The following HS3ST4 variants were observed in gnomAD, a reference collection of about 807,000 sequenced individuals.
The protein encoded by HS3ST4 is heparan sulfate glucosamine 3-O-sulfotransferase 4.
HS3ST4 carries 17 observed loss-of-function variants against 29.2 expected under a neutral mutation model. The ratio of observed to expected loss-of-function variants is 0.58; its 90% CI spans 0.40 to 0.87. The LOEUF is 0.87. HS3ST4 is among the 40% of genes least tolerant of loss of function. The pLI is 0.00. For missense variants in HS3ST4, 627 were observed against 634.5 expected (o/e 0.99, Z 0.13); for synonymous variants, 314 against 285.7 (o/e 1.10, Z -1.00).
intron 1 of HS3ST4, among the ~76,000 whole-genome samples, chr16:26,102,964 T>G (rs6497921): frequency 6.6e-6 from 1 of 151,962 alleles, no homozygotes; most frequent in African/African-American, 2.4e-5. Flanking sequence ...AAACAACCAC[T>G]GTGCAGAAGT....
At chr16:25,854,354 G>A (rs1376016460) in intron 1 of HS3ST4, among the ~76,000 whole-genome samples, 1 of 152,184 alleles carries the variant, frequency 6.6e-6, no homozygotes, top group Non-Finnish European at 1.5e-5. Flanking sequence ...CATCGTGCCA[G>A]TGGGAGTGAC....
chr16:25,801,978 CT>C (rs58964023), intron 1 of HS3ST4, among the ~76,000 whole-genome samples: 88 of 137,168 alleles, frequency 6.4e-4, no homozygotes, highest in East Asian at 1.0e-3. Flanking sequence ...CAAATATTTT[CT>C]TTTTTTTTTT....
At chr16:26,011,722 GGTGT>G (rs55657831) in intron 1 of HS3ST4, among the ~76,000 whole-genome samples, 4 of 150,048 alleles carry the variant, frequency 2.7e-5, no homozygotes, top group Non-Finnish European at 4.5e-5. Flanking sequence ...GACAGAGAGA[GGTGT>G]GTGTGTGTGT....
chr16:25,867,689 G>A (rs1967710543), intron 1 of HS3ST4, among the ~76,000 whole-genome samples: 1 of 152,082 alleles, frequency 6.6e-6, no homozygotes, highest in African/African-American at 2.4e-5. Context: ...TCTCTTAATA[G>A]CTTCAGGGCT....
At chr16:26,087,713 A>G (rs1257397960) in intron 1 of HS3ST4, among the ~76,000 whole-genome samples, 1 of 152,138 alleles carries the variant, frequency 6.6e-6, no homozygotes, top group Non-Finnish European at 1.5e-5. Flanking sequence ...TTTGCATTAT[A>G]CTTACTGGCT....
At chr16:25,967,503 A>T (rs1361322103) in intron 1 of HS3ST4, among the ~76,000 whole-genome samples, 1 of 152,210 alleles carries the variant, frequency 6.6e-6, no homozygotes, top group Non-Finnish European at 1.5e-5. Context: ...TTTTTATTTT[A>T]TAAATCATGC....
At chr16:25,877,994 G>A (rs903332622) in intron 1 of HS3ST4, among the ~76,000 whole-genome samples, 1 of 152,122 alleles carries the variant, frequency 6.6e-6, no homozygotes, top group African/African-American at 2.4e-5. Flanking sequence ...GCCTTATGTA[G>A]GATGTGTCTC....
chr16:26,060,718 C>A (rs1898465043), intron 1 of HS3ST4, among the ~76,000 whole-genome samples: 1 of 152,122 alleles, frequency 6.6e-6, no homozygotes, highest in Non-Finnish European at 1.5e-5. Flanking sequence ...TTGGTGTTCT[C>A]CCAGACACCA....
At chr16:25,694,302 T>C (rs1370308413) in intron 1 of HS3ST4, among the ~76,000 whole-genome samples, 1 of 152,226 alleles carries the variant, frequency 6.6e-6, no homozygotes, top group Non-Finnish European at 1.5e-5. Flanking sequence ...CTGGGAAAGT[T>C]TTAGAAATAA....
chr16:25,850,922 G>A (rs1299605875), intron 1 of HS3ST4, among the ~76,000 whole-genome samples: 1 of 152,196 alleles, frequency 6.6e-6, no homozygotes, highest in African/African-American at 2.4e-5. Context: ...AGGCGATACT[G>A]TGTCTGTTGG....
At chr16:25,955,539 A>G (rs1968723641) in intron 1 of HS3ST4, among the ~76,000 whole-genome samples, 1 of 152,188 alleles carries the variant, frequency 6.6e-6, no homozygotes, top group South Asian at 2.1e-4. Context: ...TAGTTCTGCA[A>G]ATATATGAGT....
chr16:26,123,884 T>C (rs1261358849), intron 1 of HS3ST4, among the ~76,000 whole-genome samples: 1 of 152,200 alleles, frequency 6.6e-6, no homozygotes, highest in Admixed American at 6.5e-5. Flanking sequence ...CCATGATGGA[T>C]ATATACCATC....
At chr16:25,875,244 T>C (rs908973441) in intron 1 of HS3ST4, among the ~76,000 whole-genome samples, 3 of 152,182 alleles carry the variant, frequency 2.0e-5, no homozygotes, top group Admixed American at 6.5e-5. Context: ...GTTACTTGTA[T>C]ACCTGGATGT....
intron 1 of HS3ST4, among the ~76,000 whole-genome samples, chr16:26,130,301 T>C (rs918955519): frequency 2.6e-5 from 4 of 152,188 alleles, no homozygotes; most frequent in African/African-American, 7.2e-5. Flanking sequence ...GTGCATGGTC[T>C]TTCAGACAGG....
chr16:26,081,617 C>A (rs935260482), intron 1 of HS3ST4, among the ~76,000 whole-genome samples: 1 of 152,056 alleles, frequency 6.6e-6, no homozygotes, highest in East Asian at 1.9e-4. Context: ...ACAGGATTGA[C>A]AATGTCTAAA....
intron 1 of HS3ST4, among the ~76,000 whole-genome samples, chr16:25,955,807 G>A (rs116700198): frequency 2.2e-3 from 300 of 137,882 alleles, no homozygotes; most frequent in African/African-American, 7.8e-3. Flanking sequence ...ATATTACAAT[G>A]TGATGTATAC....
chr16:25,988,583 T>G (rs1160285027), intron 1 of HS3ST4, among the ~76,000 whole-genome samples: 1 of 152,222 alleles, frequency 6.6e-6, no homozygotes, highest in African/African-American at 2.4e-5. Context: ...GATAGTTTTT[T>G]ATTTTGTTTT....
chr16:25,746,831 G>A (rs938769346), intron 1 of HS3ST4, among the ~76,000 whole-genome samples: 1 of 152,070 alleles, frequency 6.6e-6, no homozygotes, highest in African/African-American at 2.4e-5. Flanking sequence ...AATTACAGGT[G>A]TGAGCCACTG....
At chr16:25,737,783 T>C (rs1174224778) in intron 1 of HS3ST4, among the ~76,000 whole-genome samples, 3 of 152,110 alleles carry the variant, frequency 2.0e-5, no homozygotes, top group African/African-American at 7.2e-5. Context: ...AACAAGGCAA[T>C]TTGCCCACCT....
Sources: allele counts gnomAD v4.1 joint callset (sites outside exome capture counted in the v4.1 genomes callset), GRCh38; gene constraint gnomAD v4.1.1; transcripts MANE v1.5; gene names NCBI Gene and HGNC (gene_info 2026-07-23, HGNC 2026-07-21).